Variants in ITGB5 observed in about 807,000 individuals in gnomAD.
The protein encoded by ITGB5 is integrin subunit beta 5, also known as integrin beta-5.
A neutral mutation model predicts 84.8 loss-of-function variants in ITGB5; 38 were observed. The observed-to-expected ratio is 0.45, with a 90% confidence interval of 0.35 to 0.59. ITGB5 has a LOEUF of 0.59. Among genes scored for constraint, ITGB5 ranks in the 20% least tolerant of loss-of-function variants. The pLI, the probability that ITGB5 is intolerant of heterozygous loss-of-function variation, is 0.01. For synonymous variants in ITGB5, 393 were observed against 414.4 expected (o/e 0.95, Z 0.63); for missense variants, 905 against 1,034.5 (o/e 0.87, Z 1.72).
At chr3:124,842,284 C>G (rs1456528330) in intron 4 of ITGB5, among the ~76,000 whole-genome samples, 1 of 152,236 alleles carries the variant, frequency 6.6e-6, no homozygotes, top group Non-Finnish European at 1.5e-5. Context: ...AATACCAAGC[C>G]TTTCTCCTGA....
At chr3:124,774,364 C>T (rs2150936694) in intron 10 of ITGB5, among the ~76,000 whole-genome samples, 1 of 152,178 alleles carries the variant, frequency 6.6e-6, no homozygotes, top group East Asian at 1.9e-4. Flanking sequence ...AATGTAATCA[C>T]CAAGGTTCTT....
At chr3:124,826,848 G>A (rs541693105) in intron 5 of ITGB5, among the ~76,000 whole-genome samples, 1 of 152,260 alleles carries the variant, frequency 6.6e-6, no homozygotes, top group African/African-American at 2.4e-5. Flanking sequence ...CTGTGAAGTG[G>A]GCTCTTGTTA....
chr3:124,859,187 C>A, intron 3 of ITGB5, 55 bp downstream of exon 3: 2 of 1,526,366 alleles, frequency 1.3e-6, no homozygotes, highest in Middle Eastern at 2.2e-4. Context: ...AGTCCCACCT[C>A]CCCCATGGGC....
At chr3:124,880,648 C>T (rs1934524337) in intron 1 of ITGB5, among the ~76,000 whole-genome samples, 2 of 152,214 alleles carry the variant, frequency 1.3e-5, no homozygotes. Flanking sequence ...AAAAGAGACA[C>T]CGGGCACAGT....
At chr3:124,820,161 G>T (rs530711594) in intron 6 of ITGB5, among the ~76,000 whole-genome samples, 1 of 152,116 alleles carries the variant, frequency 6.6e-6, no homozygotes, top group African/African-American at 2.4e-5. Context: ...TAGTGGGGAC[G>T]CCCTAGAGAA....
Position 124,887,079 on chromosome 3 carries a change from GGGGCCGA to G in ITGB5, c.-86_-80del. ...CGGCCGGGGCTGGGGCCGGAGCGCG[GGGGCCGA>G]GGGCCGGGGGCCGCAGCCGCATGCC... On this transcript the variant is annotated 5_prime_UTR_variant, in exon 1 of 15. An upstream open reading frame in the 5' UTR loses its in-frame stop. Coordinates refer to ENST00000296181, the MANE Select transcript of ITGB5 (RefSeq NM_002213.5). 1.2e-5 allele frequency: 6 copies of G among 509,558 alleles called. No individual in the cohort carries two copies. Among genetic ancestry groups the G allele is most frequent in the Non-Finnish European group, 1.5e-5 (6 of 396,390 alleles). The allele number at this position is 509,558 out of a possible 1,614,324, so 31.6% of individuals were successfully genotyped here.
intron 11 of ITGB5, among the ~76,000 whole-genome samples, chr3:124,772,511 T>G (rs2063861300): frequency 6.6e-6 from 1 of 152,230 alleles, no homozygotes; most frequent in Non-Finnish European, 1.5e-5. Context: ...AAATCACAGA[T>G]GCGTTCCTCA....
chr3:124,800,122 T>C (rs1176131092), intron 9 of ITGB5, among the ~76,000 whole-genome samples: 3 of 152,048 alleles, frequency 2.0e-5, no homozygotes, highest in Non-Finnish European at 4.4e-5. Flanking sequence ...CCCACAACAG[T>C]GACATGCTTG....
chr3:124,785,436 T>A (rs775654372), intron 10 of ITGB5, among the ~76,000 whole-genome samples: 1 of 151,944 alleles, frequency 6.6e-6, no homozygotes, highest in South Asian at 2.1e-4. Context: ...ACACAAAAAA[T>A]TAGCCAGGTG....
At chr3:124,786,172 A>G (rs1327795118) in intron 10 of ITGB5, among the ~76,000 whole-genome samples, 1 of 152,226 alleles carries the variant, frequency 6.6e-6, no homozygotes, top group Non-Finnish European at 1.5e-5. Context: ...GCTCATGATG[A>G]GTGCAAAACA....
At position 124,763,530 on chromosome 3, in the gene ITGB5, T is replaced by C; in HGVS notation, c.*93A>G. 2.7e-6 allele frequency: 2 copies of C among 735,774 alleles called. No homozygotes were observed. The highest frequency in any genetic ancestry group is 4.8e-6 in the Non-Finnish European group (2 of 415,638). 45.6% of individuals were successfully genotyped at this position (735,774 alleles called of 1,614,324 possible). A position where few individuals can be genotyped will look rare whatever the true frequency, so the allele number is the denominator to read the frequency against. ...GAAGGTCTTCTCTGTGGTGCCTACC[T>C]AGGGAGCTGTGATCAAGCCGAGCAG... On this transcript the variant is annotated 3_prime_UTR_variant, in exon 15 of 15. Coordinates refer to ENST00000296181, the MANE Select transcript of ITGB5 (RefSeq NM_002213.5).
chr3:124,809,306 C>G (rs1299457698), intron 8 of ITGB5, 150 bp from the exon 9 acceptor site: 3 of 712,632 alleles, frequency 4.2e-6, no homozygotes, highest in East Asian at 5.2e-5. Context: ...CCCTGGCCCT[C>G]CCTCATCCTT....
In ITGB5 at chr3:124,859,327, C is replaced by T. The variant is rs1276778210; in HGVS notation, c.276G>A (p.Leu92=). Residue 92 remains leucine, a synonymous_variant, in exon 3 of 15, where the codon CTG becomes CTA. Transcript: ENST00000296181. ...PASSFHVLRS[L]PLSSKGSGSA... The stretch of plus-strand genomic sequence containing the variant: ...AGCCCGAACCCTTGCTGCTGAGGGG[C>T]AGGCTCCTCAGGACATGGAAGCTGC... 8 of 1,614,044 alleles carry T rather than the reference C, an allele frequency of 5.0e-6. No homozygotes were observed. The highest frequency in any genetic ancestry group is 6.8e-6 in the Non-Finnish European group (8 of 1,180,046).
chr3:124,900,585 C>G (rs2107663740), intron 1 of ITGB5, among the ~76,000 whole-genome samples: 1 of 152,272 alleles, frequency 6.6e-6, no homozygotes, highest in East Asian at 1.9e-4. Context: ...CACCACATTT[C>G]ATAGCCCTGA....
At chr3:124,790,620 C>T (rs948868187) in intron 10 of ITGB5, among the ~76,000 whole-genome samples, 20 of 152,134 alleles carry the variant, frequency 1.3e-4, no homozygotes, top group Admixed American at 7.9e-4. Flanking sequence ...CTAAATCGGC[C>T]GGGAACTGTT....
At chr3:124,766,059 CAAAAAAAAAA>C (rs376914121) in intron 13 of ITGB5, among the ~76,000 whole-genome samples, 157 bp downstream of exon 13, 1 of 104,446 alleles carries the variant, frequency 9.6e-6, no homozygotes, top group African/African-American at 3.4e-5. Flanking sequence ...CAGCCTGTGT[CAAAAAAAAAA>C]AAAAAAAGAA....
intron 2 of ITGB5, among the ~76,000 whole-genome samples, chr3:124,860,687 G>A (rs970337035): frequency 6.6e-6 from 1 of 152,230 alleles, no homozygotes; most frequent in African/African-American, 2.4e-5. Flanking sequence ...GGAAGCCAAT[G>A]CTGTCCTATG....
chr3:124,796,205 G>A (rs1012987775), intron 10 of ITGB5, among the ~76,000 whole-genome samples, 183 bp downstream of exon 10: 1 of 152,208 alleles, frequency 6.6e-6, no homozygotes, highest in African/African-American at 2.4e-5. Context: ...TTCTGCTTTC[G>A]TATTCTGCAC....
At chr3:124,806,318 C>G (rs1164925773) in intron 9 of ITGB5, among the ~76,000 whole-genome samples, 6 of 151,954 alleles carry the variant, frequency 3.9e-5, no homozygotes, top group African/African-American at 1.2e-4. Context: ...ATATTTCCCA[C>G]ATTATCCTTC....
Sources: gnomAD v4.1 joint callset for allele counts (sites outside exome capture counted in the v4.1 genomes callset) on GRCh38, gnomAD v4.1.1 for gene constraint, MANE v1.5 for transcripts, NCBI Gene and HGNC (gene_info 2026-07-23, HGNC 2026-07-21) for gene names.